DPYSL5: variants seen among roughly 807,000 people sequenced by gnomAD.
DPYSL5 encodes the protein dihydropyrimidinase like 5, also known as dihydropyrimidinase-related protein 5.
Under a neutral mutation model 58.4 loss-of-function variants are expected in DPYSL5, and 9 were observed. The observed-to-expected ratio is 0.15, with a 90% CI of 0.09 to 0.27. The LOEUF is 0.27. Among genes scored for constraint, DPYSL5 ranks in the 10% least tolerant of loss-of-function variants. DPYSL5 has a pLI of 1.00. For synonymous variants in DPYSL5, 293 were observed against 301.9 expected, an observed-to-expected ratio of 0.97 and a Z score of 0.31; for missense variants, 499 against 770.6, an observed-to-expected ratio of 0.65 and a Z score of 4.17.
rs143249152 is a variant in DPYSL5 at position 26,947,425 on chromosome 2, C to A, written c.*430C>A. Reference sequence around the variant, plus strand: ...GGTTTCAAAGTAAAGGCCTCCTCCCCCACCCCTTAGGCCCCGTGGTGACAT... The same window carrying A: ...GGTTTCAAAGTAAAGGCCTCCTCCCACACCCCTTAGGCCCCGTGGTGACAT... On this transcript the variant is annotated 3_prime_UTR_variant, in exon 13 of 13. Coordinates refer to ENST00000288699, the MANE Select transcript of DPYSL5 (RefSeq NM_020134.4). This position sits in a 1 kb window ranked among gnomAD's most constrained non-coding sequence, Gnocchi z 4.2. The A allele has an allele frequency of 8.5e-3, 1,358 of 159,428 alleles. 10 individuals carry two copies. Among genetic ancestry groups the A allele is most frequent in the African/African-American group, 0.03 (1,237 of 41,846 alleles). The allele number at this position is 159,428 out of a possible 1,614,324, so 9.9% of individuals were successfully genotyped here.
At chr2:26,867,464 T>TG (rs1558323496) in intron 1 of DPYSL5, among the ~76,000 whole-genome samples, 86 of 149,820 alleles carry the variant, frequency 5.7e-4, no homozygotes, top group African/African-American at 2.0e-3. Flanking sequence ...TGTTTGTTTT[T>TG]TTTTTTTTTG....
chr2:26,874,262 T>C (rs1048929922), intron 1 of DPYSL5, among the ~76,000 whole-genome samples: 4 of 152,222 alleles, frequency 2.6e-5, no homozygotes, highest in African/African-American at 9.7e-5. Context: ...GAACACAAGT[T>C]TTAAATTTCG....
At chr2:26,861,175 G>A (rs1343612862) in intron 1 of DPYSL5, among the ~76,000 whole-genome samples, 2 of 152,172 alleles carry the variant, frequency 1.3e-5, no homozygotes, top group African/African-American at 4.8e-5. Context: ...CAGACAGACT[G>A]TGTTTTTTTG....
chr2:26,849,796 G>T lies in DPYSL5; in HGVS notation c.-5+1542G>T, dbSNP rs1665700901. Among the ~76,000 whole-genome samples, 1 of 152,194 alleles carries T rather than the reference G, an allele frequency of 6.6e-6. No homozygotes were observed. The highest frequency in any genetic ancestry group is 1.5e-5 in the Non-Finnish European group (1 of 68,036). On this transcript the variant is annotated intron_variant, in intron 1 of 12. Coordinates refer to ENST00000288699, the MANE Select transcript of DPYSL5 (RefSeq NM_020134.4). The surrounding 1 kb of genome is among the most constrained non-coding windows in gnomAD (Gnocchi z 6.2). ...CACGTGCTGGCTTTGGGGTTTTATG[G>T]GGGCCTGGCCACGCCGGGAATCCCG...
At chr2:26,920,335 G>A (rs940067141) in intron 2 of DPYSL5, among the ~76,000 whole-genome samples, 13 of 152,062 alleles carry the variant, frequency 8.5e-5, no homozygotes, top group Admixed American at 7.2e-4. Flanking sequence ...AACACATTAA[G>A]AATGGCTAAA....
chr2:26,908,204 C>G (rs539934760), intron 2 of DPYSL5, among the ~76,000 whole-genome samples: 4 of 152,152 alleles, frequency 2.6e-5, no homozygotes, highest in South Asian at 2.1e-4. Flanking sequence ...TCCATTTGTA[C>G]GAGCATACAT....
intron 1 of DPYSL5, among the ~76,000 whole-genome samples, chr2:26,857,539 C>CAA (rs1229107037): frequency 9.7e-6 from 1 of 102,698 alleles, no homozygotes; most frequent in Non-Finnish European, 2.0e-5. Flanking sequence ...GATTCTGTCT[C>CAA]AAAAAAAAAA....
intron 1 of DPYSL5, among the ~76,000 whole-genome samples, chr2:26,885,225 C>A (rs976979125): frequency 6.6e-6 from 1 of 151,762 alleles, no homozygotes; most frequent in African/African-American, 2.4e-5. Context: ...TAAAAAAAAA[C>A]CTGTCTCAGG....
At chr2:26,858,170 ATTT>A (rs70953831) in intron 1 of DPYSL5, among the ~76,000 whole-genome samples, 3 of 127,090 alleles carry the variant, frequency 2.4e-5, no homozygotes, top group East Asian at 2.2e-4. Flanking sequence ...CAGACTTAAC[ATTT>A]TTTTTTTTTT....
At chr2:26,897,250 A>C (rs1003735612) in intron 1 of DPYSL5, among the ~76,000 whole-genome samples, 3 of 152,188 alleles carry the variant, frequency 2.0e-5, no homozygotes, top group African/African-American at 7.2e-5. Context: ...GCTGTAGAGG[A>C]AAGTATTTAG....
chr2:26,946,150 G>A (rs1007568054), intron 12 of DPYSL5, among the ~76,000 whole-genome samples: 12 of 152,130 alleles, frequency 7.9e-5, no homozygotes, highest in Admixed American at 1.3e-4. Flanking sequence ...GACTCCCACC[G>A]CCTTCCTCCT....
intron 2 of DPYSL5, among the ~76,000 whole-genome samples, chr2:26,918,673 TTTGA>T (rs1664635407): frequency 6.6e-6 from 1 of 152,220 alleles, no homozygotes; most frequent in Non-Finnish European, 1.5e-5. Flanking sequence ...CCACTCGTCA[TTTGA>T]TTCTTAGTGC....
At chr2:26,865,312 CTTTT>C (rs1192892146) in intron 1 of DPYSL5, among the ~76,000 whole-genome samples, 49 of 89,574 alleles carry the variant, frequency 5.5e-4, no homozygotes, top group African/African-American at 1.5e-3. Flanking sequence ...GTTTTGTGTT[CTTTT>C]TTTTTTTTTT....
chr2:26,864,106 G>T (rs1394874916), intron 1 of DPYSL5, among the ~76,000 whole-genome samples: 3 of 152,162 alleles, frequency 2.0e-5, no homozygotes, highest in South Asian at 2.1e-4. Flanking sequence ...TTAGCCAAGT[G>T]TAGTGGTGCG....
chr2:26,860,756 T>C (rs1344940670), intron 1 of DPYSL5, among the ~76,000 whole-genome samples: 1 of 152,174 alleles, frequency 6.6e-6, no homozygotes, highest in East Asian at 1.9e-4. Flanking sequence ...TATATATCAT[T>C]GAATGGGAGG....
At chr2:26,903,932 C>G (rs1236634794) in intron 2 of DPYSL5, among the ~76,000 whole-genome samples, 1 of 152,220 alleles carries the variant, frequency 6.6e-6, no homozygotes, top group Non-Finnish European at 1.5e-5. Flanking sequence ...TTGGGGCTGG[C>G]CCTCTTCCGT....
intron 6 of DPYSL5, among the ~76,000 whole-genome samples, chr2:26,932,600 C>A (rs1427818410): frequency 1.3e-5 from 2 of 152,194 alleles, no homozygotes; most frequent in Non-Finnish European, 2.9e-5. Flanking sequence ...GGAACTTAAC[C>A]CAGAATAAGG....
intron 1 of DPYSL5, among the ~76,000 whole-genome samples, chr2:26,878,939 C>T (rs1663483043): frequency 6.6e-6 from 1 of 152,230 alleles, no homozygotes. Flanking sequence ...AGTCCTCCAG[C>T]CCAGTCAGTG....
chr2:26,920,181 T>C (rs74511915), intron 2 of DPYSL5, among the ~76,000 whole-genome samples: 1 of 232 alleles, frequency 4.3e-3, no homozygotes, highest in South Asian at 0.5. Flanking sequence ...TTTCATTTCT[T>C]TTTTTTTAAA....
Sources: gnomAD v4.1 joint callset for allele counts (sites outside exome capture counted in the v4.1 genomes callset) on GRCh38, gnomAD v4.1.1 for gene constraint, Gnocchi (gnomAD v3.1) non-coding constraint, MANE v1.5 for transcripts, NCBI Gene and HGNC (gene_info 2026-07-23, HGNC 2026-07-21) for gene names.